Variants in SRGAP2C observed in about 807,000 individuals in gnomAD.
SRGAP2C encodes SLIT-ROBO Rho GTPase-activating protein 2C.
A neutral mutation model predicts 25.1 loss-of-function variants in SRGAP2C; 15 were observed. The ratio of observed to expected loss-of-function variants is 0.60; its 90% CI spans 0.40 to 0.92. The LOEUF (loss-of-function observed/expected upper bound fraction) is 0.92. Among genes scored for constraint, SRGAP2C ranks in the 40% least tolerant of loss-of-function variants. SRGAP2C has a pLI of 0.00. For synonymous variants in SRGAP2C, 44 were observed against 96.6 expected (o/e 0.46, Z 3.19); for missense variants, 144 against 264.4 (o/e 0.54, Z 3.16).
intron 2 of SRGAP2C, among the ~76,000 whole-genome samples, chr1:121,213,304 C>T (rs587593806): frequency 2.0e-5 from 3 of 150,212 alleles, no homozygotes; most frequent in East Asian, 4.0e-4. Flanking sequence ...CCTCTGCCTC[C>T]CAAAGTGTTG....
intron 4 of SRGAP2C, among the ~76,000 whole-genome samples, chr1:121,329,960 T>C (rs1468938196): frequency 6.6e-6 from 1 of 150,918 alleles, no homozygotes; most frequent in East Asian, 1.9e-4. Context: ...TGGGCAAATA[T>C]TATTGCTGCC....
rs868952798 is a variant in SRGAP2C, at chr1:121,235,642, A to T, written c.67+48129A>T. ...GCTTTTTCTGTTTTTTTTTTTTTTT[A>T]GGAGGGGGTTCAAATATAAAATATA... On this transcript the variant is annotated intron_variant, in intron 2 of 9. Transcript: ENST00000367123. 4.0e-3 allele frequency among the ~76,000 whole-genome samples: 204 copies of T among 50,994 alleles called. 13 individuals carry two copies. Among genetic ancestry groups the T allele is most frequent in the African/African-American group, 0.027 (170 of 6,264 alleles). The allele number at this position is 50,994 out of a possible 152,430, so 33.5% of individuals were successfully genotyped here. A position where few individuals can be genotyped will look rare whatever the true frequency, so the allele number is the denominator to read the frequency against.
At chr1:121,379,150 G>A (rs1553354159) in intron 7 of SRGAP2C, among the ~76,000 whole-genome samples, 1 of 152,224 alleles carries the variant, frequency 6.6e-6, no homozygotes. Context: ...GGACATGAGG[G>A]AACTTGGCTG....
At chr1:121,263,187 C>G (rs1199106555) in intron 2 of SRGAP2C, among the ~76,000 whole-genome samples, 1 of 150,438 alleles carries the variant, frequency 6.6e-6, no homozygotes, top group Non-Finnish European at 1.5e-5. Context: ...AATCCTGTCT[C>G]TACTAAAATA....
In SRGAP2C at chr1:121,278,010, G is replaced by A. The variant is rs1444240765; in HGVS notation, c.68-6793G>A. ...GGCTGGAGTATAGTGGCACAATCAC[G>A]GCTCACTGTGGCCTTGACCTCCTGG... On this transcript the variant is annotated intron_variant, in intron 2 of 9. Coordinates refer to ENST00000367123, the MANE Select transcript of SRGAP2C (RefSeq NM_001329984.2). 6.5e-4 allele frequency among the ~76,000 whole-genome samples: 96 copies of A among 148,066 alleles called. 4 individuals carry two copies. The highest frequency in any genetic ancestry group is 3.4e-3 in the Middle Eastern group (1 of 290).
intron 2 of SRGAP2C, among the ~76,000 whole-genome samples, chr1:121,222,747 C>G (rs1264454055): frequency 2.0e-5 from 3 of 152,196 alleles, no homozygotes; most frequent in African/African-American, 7.2e-5. Flanking sequence ...CACCTACCAT[C>G]AGACGGGAGT....
chr1:121,306,812 G>T (rs1483794273), intron 3 of SRGAP2C, among the ~76,000 whole-genome samples: 1 of 152,120 alleles, frequency 6.6e-6, no homozygotes, highest in African/African-American at 2.4e-5. Context: ...CTGGAACAGT[G>T]ACTTTAAAAC....
At chr1:121,211,138 A>G (rs1214961344) in intron 2 of SRGAP2C, among the ~76,000 whole-genome samples, 11 of 151,498 alleles carry the variant, frequency 7.3e-5, no homozygotes, top group African/African-American at 7.3e-5. Flanking sequence ...CTCTTCAGCA[A>G]TTAACACCTT....
At chr1:121,285,065 A>G (rs1657329083) in intron 3 of SRGAP2C, 70 bp downstream of exon 3, 3 of 625,756 alleles carry the variant, frequency 4.8e-6, no homozygotes, top group Non-Finnish European at 5.1e-6. Flanking sequence ...GGGGCAGGGT[A>G]TGCCACTTAG....
At chr1:121,319,599 G>C (rs1370340140) in intron 3 of SRGAP2C, among the ~76,000 whole-genome samples, 2 of 151,816 alleles carry the variant, frequency 1.3e-5, no homozygotes, top group Admixed American at 6.6e-5. Context: ...AGGGAGAAAA[G>C]CTGGGCTAAT....
At chr1:121,229,005 T>C (rs1570721406) in intron 2 of SRGAP2C, among the ~76,000 whole-genome samples, 1 of 151,166 alleles carries the variant, frequency 6.6e-6, no homozygotes, top group Admixed American at 6.6e-5. Context: ...CCTGTTAAGA[T>C]AGGAGGGGGC....
intron 8 of SRGAP2C, among the ~76,000 whole-genome samples, chr1:121,383,224 C>A (rs1232484245): frequency 6.8e-6 from 1 of 146,826 alleles, no homozygotes; most frequent in Non-Finnish European, 1.5e-5. Context: ...CCAAAGGGGC[C>A]CAGCAGGATC....
chr1:121,348,744 T>C (rs1658817155), intron 4 of SRGAP2C, among the ~76,000 whole-genome samples: 1 of 146,238 alleles, frequency 6.8e-6, no homozygotes, highest in African/African-American at 2.5e-5. Flanking sequence ...TGAGTTCAAT[T>C]CCAACTTCAC....
chr1:121,391,817 G>A lies in SRGAP2C; in HGVS notation c.*3962G>A, dbSNP rs1244308512. ...AAACGTTACAAGGCATACAAAGAAT[G>A]GGAAAGTGTGGCTCATTCAAAGGAA... is the stretch of plus-strand genomic sequence containing the variant. On this transcript the variant is annotated 3_prime_UTR_variant, in exon 10 of 10. Transcript: ENST00000367123. 3.3e-5 allele frequency: 5 copies of A among 152,310 alleles called. No homozygotes were observed. Among genetic ancestry groups the A allele is most frequent in the African/African-American group, 1.2e-4 (5 of 41,466 alleles). 9.4% of individuals were successfully genotyped at this position (152,310 alleles called of 1,614,324 possible).
chr1:121,316,867 A>C (rs1345124225), intron 3 of SRGAP2C, among the ~76,000 whole-genome samples: 1 of 148,310 alleles, frequency 6.7e-6, no homozygotes, highest in East Asian at 2.0e-4. Context: ...GCATTGTAGC[A>C]TGTAGATTGT....
intron 2 of SRGAP2C, among the ~76,000 whole-genome samples, chr1:121,191,405 T>C (rs1442563243): frequency 2.5e-4 from 38 of 152,144 alleles, no homozygotes; most frequent in Non-Finnish European, 1.5e-5. Flanking sequence ...TTATTTTAAA[T>C]TGTTGTATTG....
chr1:121,364,049 G>C (rs1659263509), intron 4 of SRGAP2C, among the ~76,000 whole-genome samples: 1 of 147,712 alleles, frequency 6.8e-6, no homozygotes, highest in Non-Finnish European at 1.5e-5. Context: ...TATCTGACAT[G>C]AAAGTCCTTC....
At chr1:121,202,395 C>T (rs1454516827) in intron 2 of SRGAP2C, among the ~76,000 whole-genome samples, 15 of 150,514 alleles carry the variant, frequency 1.0e-4, no homozygotes, top group African/African-American at 3.7e-4. Context: ...TAATTTCAAC[C>T]TGGCAGCCAT....
intron 2 of SRGAP2C, among the ~76,000 whole-genome samples, chr1:121,195,269 G>A (rs1204973781): frequency 6.6e-6 from 1 of 152,012 alleles, no homozygotes; most frequent in African/African-American, 2.4e-5. Flanking sequence ...AATTAGTTGG[G>A]CGTGGTGGTG....
Sources: gnomAD v4.1 joint callset for allele counts (sites outside exome capture counted in the v4.1 genomes callset) on GRCh38, gnomAD v4.1.1 for gene constraint, MANE v1.5 for transcripts, NCBI Gene and HGNC (gene_info 2026-07-23, HGNC 2026-07-21) for gene names.